The following KIF13A variants were observed in gnomAD, a reference collection of about 807,000 sequenced individuals.
KIF13A encodes kinesin family member 13A.
A neutral mutation model predicts 212.2 loss-of-function variants in KIF13A; 79 were observed. That is an observed-to-expected ratio of 0.37 (90% CI 0.31 to 0.45). The LOEUF is 0.45. Among genes scored for constraint, KIF13A ranks in the 20% least tolerant of loss-of-function variants. The pLI, the probability that KIF13A is intolerant of heterozygous loss-of-function variation, is 1.00. For synonymous variants in KIF13A, 789 were observed against 808.6 expected, an observed-to-expected ratio of 0.98 and a Z score of 0.41; for missense variants, 1,901 against 2,209.0, an observed-to-expected ratio of 0.86 and a Z score of 2.79.
intron 2 of KIF13A, among the ~76,000 whole-genome samples, chr6:17,937,743 TTTG>T (rs1345533715): frequency 1.4e-5 from 1 of 71,700 alleles, no homozygotes; most frequent in Admixed American, 1.2e-4. Flanking sequence ...TCTTTCCTTT[TTTG>T]TTTTTTTTTT....
intron 2 of KIF13A, among the ~76,000 whole-genome samples, chr6:17,908,911 A>G (rs922475213): frequency 2.6e-5 from 4 of 152,190 alleles, no homozygotes; most frequent in African/African-American, 9.6e-5. Context: ...GGGGTCAAAC[A>G]ATCCTAGCTC....
intron 22 of KIF13A, among the ~76,000 whole-genome samples, chr6:17,797,990 G>A (rs776077181): frequency 6.6e-6 from 1 of 152,180 alleles, no homozygotes; most frequent in Non-Finnish European, 1.5e-5. Flanking sequence ...AAACGAAGTA[G>A]GCAACGAGCC....
At chr6:17,845,585 T>G (rs894428579) in intron 9 of KIF13A, among the ~76,000 whole-genome samples, 7 of 152,234 alleles carry the variant, frequency 4.6e-5, no homozygotes, top group African/African-American at 1.7e-4. Flanking sequence ...AATGGAACCA[T>G]TTTCAGTGTC....
rs2150353727 is a variant in KIF13A at position 17,816,050 on chromosome 6, G to A, written c.2000+970C>T. ...AGCCTCCCAAGTAGCTGGGATTACAGGCGCCTGCCACCATGCGCTGCTATT... is the reference window on the plus strand; with the variant it reads ...AGCCTCCCAAGTAGCTGGGATTACAAGCGCCTGCCACCATGCGCTGCTATT... On this transcript the variant is annotated intron_variant, in intron 17 of 38. Transcript: ENST00000259711. The surrounding 1 kb of genome is among the most constrained non-coding windows in gnomAD (Gnocchi z 4.3). Among the ~76,000 whole-genome samples the A allele has an allele frequency of 6.6e-6, 1 of 152,024 alleles. No individual in the cohort carries two copies. The highest frequency in any genetic ancestry group is 2.1e-4 in the South Asian group (1 of 4,820).
chr6:17,831,704 A>C (rs941243433), intron 12 of KIF13A, among the ~76,000 whole-genome samples: 1 of 147,992 alleles, frequency 6.8e-6, no homozygotes, highest in Non-Finnish European at 1.5e-5. Context: ...CACTAAAGAA[A>C]GGTTCTGGAC....
At chr6:17,908,124 G>C (rs1048215166) in intron 2 of KIF13A, among the ~76,000 whole-genome samples, 1 of 152,150 alleles carries the variant, frequency 6.6e-6, no homozygotes, top group Non-Finnish European at 1.5e-5. Context: ...GACTTGTTGA[G>C]TGTGTGCCCC....
chr6:17,939,737 T>A (rs1349763941), intron 2 of KIF13A, among the ~76,000 whole-genome samples: 2 of 152,208 alleles, frequency 1.3e-5, no homozygotes, highest in Non-Finnish European at 2.9e-5. Context: ...ATGCTAATTA[T>A]AATTCATTAG....
chr6:17,944,080 C>A (rs1165870359), intron 2 of KIF13A, among the ~76,000 whole-genome samples: 1 of 152,196 alleles, frequency 6.6e-6, no homozygotes, highest in African/African-American at 2.4e-5. Flanking sequence ...ACGTTATTAT[C>A]TATACAGGGT....
chr6:17,895,432 C>T lies in KIF13A; in HGVS notation c.159+2736G>A, dbSNP rs551492517. Among the ~76,000 whole-genome samples, 123 of 152,314 alleles carry T rather than the reference C, an allele frequency of 8.1e-4. No individual in the cohort carries two copies. Among genetic ancestry groups the T allele is most frequent in the Non-Finnish European group, 1.6e-3 (108 of 68,022 alleles). On this transcript the variant is annotated intron_variant, in intron 3 of 38. Transcript: ENST00000259711. This position sits in a 1 kb window ranked among gnomAD's most constrained non-coding sequence, Gnocchi z 4.4. Reference sequence around the variant, plus strand: ...CCAGGTGCCTATGGGCACCTGCATTCTGGTATCACTTTGTTCCAATTTTTG... The same window carrying T: ...CCAGGTGCCTATGGGCACCTGCATTTTGGTATCACTTTGTTCCAATTTTTG...
intron 2 of KIF13A, among the ~76,000 whole-genome samples, chr6:17,973,578 T>C (rs1265025324): frequency 6.6e-6 from 1 of 151,782 alleles, no homozygotes; most frequent in Non-Finnish European, 1.5e-5. Context: ...TTAACTCAAC[T>C]CTCAAAGTAC....
rs373766807 is a variant in KIF13A at position 17,800,082 on chromosome 6, C to T, written c.2486G>A (p.Arg829His). 48 of 1,613,772 alleles carry T rather than the reference C, an allele frequency of 3.0e-5. No individual in the cohort carries two copies. In the Middle Eastern group the frequency reaches 4.9e-4, roughly 17 times the overall value. Residue 829 changes from arginine (R) to histidine (H), a missense_variant, in exon 21 of 39, where the codon CGT becomes CAT. Transcript: ENST00000259711. ...VAGRLHVEVM[R>H]VTGAVPERVV... is the part of the protein sequence containing the mutation. ...ACGCTCTGGAACAGCTCCTGTAACACGCATCACTTCCACGTGGAGACGCCC... is the reference window on the plus strand; with the variant it reads ...ACGCTCTGGAACAGCTCCTGTAACATGCATCACTTCCACGTGGAGACGCCC...
intron 2 of KIF13A, among the ~76,000 whole-genome samples, chr6:17,953,073 G>A (rs1004089890): frequency 6.6e-6 from 1 of 152,028 alleles, no homozygotes; most frequent in Non-Finnish European, 1.5e-5. Context: ...GTGAAAAATT[G>A]GAAACACTCT....
intron 2 of KIF13A, among the ~76,000 whole-genome samples, chr6:17,903,214 T>C (rs186213216): frequency 6.6e-6 from 1 of 152,366 alleles, no homozygotes; most frequent in African/African-American, 2.4e-5. Flanking sequence ...GGTTTCTTTA[T>C]GGCAGTACTT....
chr6:17,987,556 T>G lies in KIF13A; in HGVS notation c.-93A>C. The G allele has an allele frequency of 4.8e-6, 3 of 630,094 alleles. No individual in the cohort carries two copies. The highest frequency in any genetic ancestry group is 6.6e-5 in the South Asian group (1 of 15,106). 39.0% of individuals were successfully genotyped at this position (630,094 alleles called of 1,614,324 possible). A position where few individuals can be genotyped will look rare whatever the true frequency, so the allele number is the denominator to read the frequency against. The stretch of plus-strand genomic sequence containing the variant: ...CGCCGCCGCTGCAGCCGCGCGCCCC[T>G]CGAGCGCGGCCGCCGCCGCTCCGCC... On this transcript the variant is annotated 5_prime_UTR_variant, in exon 1 of 39. Coordinates refer to ENST00000259711, the MANE Select transcript of KIF13A (RefSeq NM_022113.6). This position sits in a 1 kb window ranked among gnomAD's most constrained non-coding sequence, Gnocchi z 7.7.
chr6:17,807,472 C>T (rs1227045160), intron 18 of KIF13A, among the ~76,000 whole-genome samples: 1 of 152,102 alleles, frequency 6.6e-6, no homozygotes, highest in East Asian at 1.9e-4. Flanking sequence ...TGGGGAAAAA[C>T]TCCACCCTGG....
rs10686772 is a variant in KIF13A, at chr6:17,785,750, C to CAAAA, written c.3362-113_3362-110dup. The stretch of plus-strand genomic sequence containing the variant: ...CAACATAGTGAGACCCCATCTCTAC[C>CAAAA]AAAAAAAAAAAAATAGTTGGGCAGG... On this transcript the variant is annotated intron_variant, in intron 27 of 38. Transcript: ENST00000259711. The surrounding 1 kb of genome is among the most constrained non-coding windows in gnomAD (Gnocchi z 5.8). 1.6e-4 allele frequency: 136 copies of CAAAA among 862,172 alleles called. No homozygotes were observed. Among genetic ancestry groups the CAAAA allele is most frequent in the Non-Finnish European group, 2.0e-4 (114 of 584,122 alleles). The allele number at this position is 862,172 out of a possible 1,614,324, so 53.4% of individuals were successfully genotyped here.
At chr6:17,804,813 A>T (rs1762798316) in intron 19 of KIF13A, among the ~76,000 whole-genome samples, 2 of 85,966 alleles carry the variant, frequency 2.3e-5, no homozygotes, top group Non-Finnish European at 4.3e-5. Context: ...GTCTCCATTA[A>T]AAAAAAAAAA....
intron 2 of KIF13A, among the ~76,000 whole-genome samples, chr6:17,972,718 G>A (rs1779913550): frequency 6.6e-6 from 1 of 151,954 alleles, no homozygotes; most frequent in East Asian, 1.9e-4. Flanking sequence ...ATTTGTGGTG[G>A]GTGTGCAGTC....
intron 28 of KIF13A, among the ~76,000 whole-genome samples, chr6:17,784,719 T>G (rs1760899651): frequency 6.6e-6 from 1 of 151,814 alleles, no homozygotes; most frequent in East Asian, 1.9e-4. Flanking sequence ...AAGATTGGGG[T>G]GAGTAGGCTG....
Sources: gnomAD v4.1 joint callset for allele counts (sites outside exome capture counted in the v4.1 genomes callset) on GRCh38, gnomAD v4.1.1 for gene constraint, Gnocchi (gnomAD v3.1) non-coding constraint, MANE v1.5 for transcripts, NCBI Gene and HGNC (gene_info 2026-07-23, HGNC 2026-07-21) for gene names.